MYO7A: variants seen among roughly 807,000 people sequenced by gnomAD.
MYO7A encodes the protein unconventional myosin-VIIa.
In MYO7A, 210 loss-of-function variants were observed where a neutral mutation model predicts 263.8. The ratio of observed to expected loss-of-function variants is 0.80; its 90% CI spans 0.71 to 0.89. The LOEUF is 0.89. MYO7A is among the 40% of genes least tolerant of loss of function. The pLI, the probability that MYO7A is intolerant of heterozygous loss-of-function variation, is 0.00. For synonymous variants in MYO7A, 1,239 were observed against 1,197.3 expected (o/e 1.03, Z -0.72); for missense variants, 2,820 against 2,968.3 (o/e 0.95, Z 1.16).
intron 46 of MYO7A, chr11:77,212,557 G>A (rs763613557): frequency 2.9e-6 from 1 of 345,916 alleles, no homozygotes; most frequent in Non-Finnish European, 5.6e-6. Flanking sequence ...GCACAACAGA[G>A]GCAGGAGTAT....
In MYO7A at chr11:77,180,359, GC is replaced by G. The variant is rs782409933; in HGVS notation, c.2587-10del. On this transcript the variant is annotated splice_polypyrimidine_tract_variant and intron_variant, in intron 21 of 48. Transcript: ENST00000409709. ...ACACACATTTCCATGCCCTCTGGAT[GC>G]CCCCTTCCCTCAGTATCTGTGGCGC... 6.8e-6 allele frequency: 11 copies of G among 1,607,924 alleles called. No homozygotes were observed. Among genetic ancestry groups the G allele is most frequent in the East Asian group, 6.7e-5 (3 of 44,804 alleles).
chr11:77,202,476 T>C, intron 37 of MYO7A, 52 bp downstream of exon 37: 1 of 1,532,336 alleles, frequency 6.5e-7, no homozygotes, highest in South Asian at 1.2e-5. Context: ...GCTGCAGGCT[T>C]CCGCTACTGT....
intron 13 of MYO7A, 111 bp from the exon 14 acceptor site, chr11:77,162,742 A>G (rs1453683384): frequency 1.4e-6 from 2 of 1,435,758 alleles, no homozygotes; most frequent in African/African-American, 2.8e-5. Context: ...AGGTAGAAAT[A>G]AAAGGAGGGG....
intron 27 of MYO7A, among the ~76,000 whole-genome samples, 199 bp from the exon 28 acceptor site, chr11:77,189,145 C>A (rs1215687538): frequency 6.6e-6 from 1 of 152,164 alleles, no homozygotes; most frequent in African/African-American, 2.4e-5. Context: ...GTGCTTTATG[C>A]CCGATGATCC....
chr11:77,188,802 C>G (rs797023276), intron 27 of MYO7A, among the ~76,000 whole-genome samples: 9 of 152,324 alleles, frequency 5.9e-5, no homozygotes, highest in African/African-American at 2.2e-4. Context: ...TACATGGCCC[C>G]TTAAGTATTC....
chr11:77,183,407 G>A (rs1181815670), intron 26 of MYO7A, among the ~76,000 whole-genome samples: 1 of 152,238 alleles, frequency 6.6e-6, no homozygotes, highest in African/African-American at 2.4e-5. Flanking sequence ...AGGGCACTGA[G>A]CAGGGGAGGC....
intron 4 of MYO7A, among the ~76,000 whole-genome samples, chr11:77,154,042 G>T (rs1565334453): frequency 6.6e-6 from 1 of 152,176 alleles, no homozygotes; most frequent in Non-Finnish European, 1.5e-5. Context: ...TTGAACCCAG[G>T]AGATGGAGGT....
chr11:77,185,107 C>A, intron 27 of MYO7A: 1 of 367,356 alleles, frequency 2.7e-6, no homozygotes, highest in Non-Finnish European at 5.2e-6. Context: ...GAAATTAATG[C>A]CAAAAATGCT....
At chr11:77,134,219 C>G (rs1950848831) in intron 2 of MYO7A, among the ~76,000 whole-genome samples, 1 of 152,216 alleles carries the variant, frequency 6.6e-6, no homozygotes, top group African/African-American at 2.4e-5. Context: ...GTGTTAGCCA[C>G]TGCATCTGGC....
chr11:77,201,723 C>T (rs574336078), intron 36 of MYO7A, 85 bp downstream of exon 36: 34 of 1,372,120 alleles, frequency 2.5e-5, no homozygotes, highest in South Asian at 2.1e-4. Flanking sequence ...AATAGGTTAA[C>T]GGTCTAGTGC....
Position 77,174,762 on chromosome 11 carries a change from G to A in MYO7A, c.1942G>A (p.Asp648Asn), listed in dbSNP as rs1555078826. The A allele has an allele frequency of 1.9e-6, 3 of 1,590,400 alleles. No homozygotes were observed. Among genetic ancestry groups the A allele is most frequent in the East Asian group, 2.3e-5 (1 of 43,638 alleles). ...TTGGCTGTGTGCCTGGCAGCTGTTC[G>A]ACCGGCACCTGTGCGTGCGCCAGCT... ...PNEFKKPMLF[D>N]RHLCVRQLRY... The change falls in exon 17 of 49, where the codon GAC becomes AAC. Residue 648 changes from aspartate to asparagine, a missense_variant. Asp to Asn is a conservative substitution (Grantham distance 23, BLOSUM62 1). Coordinates refer to ENST00000409709, the MANE Select transcript of MYO7A (RefSeq NM_000260.4).
At position 77,213,853 on chromosome 11, in the gene MYO7A, C is replaced by A. The variant is rs1377672437; in HGVS notation, c.6439-7C>A. The A allele has an allele frequency of 1.2e-6, 2 of 1,613,960 alleles. No homozygotes were observed. The highest frequency in any genetic ancestry group is 1.7e-6 in the Non-Finnish European group (2 of 1,179,864). On this transcript the variant is annotated splice_region_variant and splice_polypyrimidine_tract_variant and intron_variant, in intron 47 of 48. Coordinates refer to ENST00000409709, the MANE Select transcript of MYO7A (RefSeq NM_000260.4). ...CGTGCCTCTCTATGCCCTTTCTGCTCCCCCAGGATATCCTCACCACTCATC... is the reference window on the plus strand; with the variant it reads ...CGTGCCTCTCTATGCCCTTTCTGCTACCCCAGGATATCCTCACCACTCATC...
Position 77,202,294 on chromosome 11 carries a change from C to A in MYO7A, c.5044-6C>A. 1 of 1,582,632 alleles carries A rather than the reference C, an allele frequency of 6.3e-7. No homozygotes were observed. The highest frequency in any genetic ancestry group is 2.3e-5 in the East Asian group (1 of 43,430). The stretch of plus-strand genomic sequence containing the variant: ...TGACCTGAGCCCCCTGTCTCTTGGT[C>A]CCTAGGCCCTGGTCACCATGACTCC... On this transcript the variant is annotated splice_region_variant and splice_polypyrimidine_tract_variant and intron_variant, in intron 36 of 48. Transcript: ENST00000409709.
At chr11:77,186,053 G>T (rs547453095) in intron 27 of MYO7A, among the ~76,000 whole-genome samples, 1 of 151,904 alleles carries the variant, frequency 6.6e-6, no homozygotes, top group Non-Finnish European at 1.5e-5. Flanking sequence ...CTCCCGAGTG[G>T]CTGGGACTAC....
intron 44 of MYO7A, chr11:77,210,945 C>A (rs957944351): frequency 2.4e-5 from 13 of 543,520 alleles, no homozygotes; most frequent in Admixed American, 1.6e-4. Context: ...CAACTGCCAA[C>A]TGCTGAGTCT....
intron 46 of MYO7A, chr11:77,212,306 GA>G: frequency 2.5e-6 from 1 of 404,644 alleles, no homozygotes; most frequent in Non-Finnish European, 4.9e-6. Context: ...GCAGACCCTG[GA>G]AAGAGTGCTC....
chr11:77,147,736 C>T (rs2135705021), intron 3 of MYO7A, 62 bp from the exon 4 acceptor site: 10 of 1,585,582 alleles, frequency 6.3e-6, no homozygotes, highest in Non-Finnish European at 8.6e-6. Context: ...GTCCCGGCCC[C>T]TTCCCCTGAA....
chr11:77,132,352 G>A (rs1427296255), intron 2 of MYO7A, among the ~76,000 whole-genome samples: 2 of 152,006 alleles, frequency 1.3e-5, no homozygotes, highest in Admixed American at 1.3e-4. Flanking sequence ...GGAAGGAACT[G>A]GCAGGAAGAG....
chr11:77,211,124 C>A, intron 44 of MYO7A, 28 bp from the exon 45 acceptor site: 4 of 1,525,758 alleles, frequency 2.6e-6, no homozygotes, highest in Non-Finnish European at 3.5e-6. Flanking sequence ...GGTCCCTGCA[C>A]GCCTGTGACC....
Sources: gnomAD v4.1 joint callset for allele counts (sites outside exome capture counted in the v4.1 genomes callset) on GRCh38, gnomAD v4.1.1 for gene constraint, MANE v1.5 for transcripts, NCBI Gene and HGNC (gene_info 2026-07-23, HGNC 2026-07-21) for gene names.